Variants in PTPRZ1 observed in about 807,000 individuals in gnomAD.
PTPRZ1 encodes receptor-type tyrosine-protein phosphatase zeta.
In PTPRZ1, 82 loss-of-function variants were observed where a neutral mutation model predicts 214.1. The ratio of observed to expected loss-of-function variants is 0.38; its 90% confidence interval spans 0.32 to 0.46. The LOEUF (loss-of-function observed/expected upper bound fraction) is 0.46. PTPRZ1 is among the 20% of genes least tolerant of loss of function. PTPRZ1 has a pLI of 1.00. For missense variants in PTPRZ1, 2,603 were observed against 2,748.7 expected (o/e 0.95, Z 1.19); for synonymous variants, 945 against 987.9 (o/e 0.96, Z 0.81).
Position 122,038,848 on chromosome 7 carries a change from G to C in PTPRZ1, c.5461G>C (p.Glu1821Gln), listed in dbSNP as rs1799628952. ...GAGAATGATATGGGAACATAATGTG[G>C]AAGTTATTGTCATGATAACAAACCT... is the stretch of plus-strand genomic sequence containing the variant. ...FWRMIWEHNVEVIVMITNLVE... is the reference protein window; with the variant it reads ...FWRMIWEHNVQVIVMITNLVE... Residue 1821 changes from glutamate to glutamine, a missense_variant, in exon 19 of 30, where the codon GAA (glutamate) becomes CAA (glutamine). Around this residue, in one of 6 missense-constraint regions of PTPRZ1, gnomAD observed 1,913 missense variants for 1,914.3 expected, o/e 1.00. Transcript: ENST00000393386. 6.2e-7 allele frequency: 1 copy of C among 1,613,906 alleles called. No individual in the cohort carries two copies. The highest frequency in any genetic ancestry group is 1.7e-5 in the Admixed American group (1 of 60,014).
Position 121,990,727 on chromosome 7 carries a change from C to A in PTPRZ1, c.929-5655C>A, listed in dbSNP as rs558278908. Among the ~76,000 whole-genome samples, 8 of 152,016 alleles carry A rather than the reference C, an allele frequency of 5.3e-5. No homozygotes were observed. In the South Asian group the frequency reaches 1.7e-3, roughly 32 times the overall value. On this transcript the variant is annotated intron_variant, in intron 8 of 29. Coordinates refer to ENST00000393386, the MANE Select transcript of PTPRZ1 (RefSeq NM_002851.3). Reference sequence around the variant, plus strand: ...CAGAGACGGGGTTTCACCATGTTGGCCAGACTGGTCTCGAACTCCTGACCT... The same window carrying A: ...CAGAGACGGGGTTTCACCATGTTGGACAGACTGGTCTCGAACTCCTGACCT...
chr7:121,877,369 G>A (rs1794094272), intron 1 of PTPRZ1, among the ~76,000 whole-genome samples: 1 of 152,170 alleles, frequency 6.6e-6, no homozygotes, highest in African/African-American at 2.4e-5. Flanking sequence ...CATGTGATGT[G>A]ATGGTACATT....
chr7:121,923,049 C>G (rs1795646865), intron 1 of PTPRZ1, among the ~76,000 whole-genome samples: 2 of 152,138 alleles, frequency 1.3e-5, no homozygotes, highest in African/African-American at 4.8e-5. Context: ...AGTGATCTGT[C>G]ACCAAAAATA....
chr7:122,011,628 C>T lies in PTPRZ1; in HGVS notation c.2582C>T (p.Pro861Leu). The change falls in exon 12 of 30, where the codon CCA (proline) becomes CTA (leucine). Residue 861 changes from proline to leucine, a missense_variant. Pro to Leu is a moderately conservative substitution (Grantham distance 98). This residue lies in a region of PTPRZ1 where 1,913 missense variants were observed against 1,914.3 expected (regional missense o/e 1.00). Coordinates refer to ENST00000393386, the MANE Select transcript of PTPRZ1 (RefSeq NM_002851.3). ...SDKVPLHASLPVAGGDLLLEP... is the reference protein window; with the variant it reads ...SDKVPLHASLLVAGGDLLLEP... Reference sequence around the variant, plus strand: ...AAGGTGCCCTTGCATGCTTCTCTGCCAGTGGCTGGGGGTGATTTGCTATTA... The same window carrying T: ...AAGGTGCCCTTGCATGCTTCTCTGCTAGTGGCTGGGGGTGATTTGCTATTA... 6.2e-7 allele frequency: 1 copy of T among 1,614,102 alleles called. No individual in the cohort carries two copies. Among genetic ancestry groups the T allele is most frequent in the South Asian group, 1.1e-5 (1 of 91,064 alleles).
At position 121,931,353 on chromosome 7, in the gene PTPRZ1, T is replaced by A. The variant is rs1206506; in HGVS notation, c.124+3132T>A. On this transcript the variant is annotated intron_variant, in intron 2 of 29. Transcript: ENST00000393386. ...TTCAGAAGTGAAACTAGAAGGAGGT[T>A]ATTTTCCTCTAACCAATCAATTTTC... 7.7e-3 allele frequency among the ~76,000 whole-genome samples: 1,168 copies of A among 152,284 alleles called. 19 individuals are homozygous for A. The highest frequency in any genetic ancestry group is 0.027 in the African/African-American group (1,107 of 41,554).
In PTPRZ1 at chr7:122,055,084, A is replaced by C; in HGVS notation, c.6525A>C (p.Thr2175=). 6.4e-7 allele frequency: 1 copy of C among 1,565,852 alleles called. No individual in the cohort carries two copies. The highest frequency in any genetic ancestry group is 1.2e-5 in the South Asian group (1 of 86,332). Residue 2175 remains threonine, a synonymous_variant, in exon 27 of 30, where the codon ACA becomes ACC. Coordinates refer to ENST00000393386, the MANE Select transcript of PTPRZ1 (RefSeq NM_002851.3). ...TTCAGGACTTTATCTTAGAAGCTAC[A>C]CAGGTAAGGATATAAGTTAAATGAC... ...LIIQDFILEA[T]QDDYVLEVRH...
chr7:121,913,910 G>T (rs901324306), intron 1 of PTPRZ1, among the ~76,000 whole-genome samples: 1 of 152,024 alleles, frequency 6.6e-6, no homozygotes, highest in Non-Finnish European at 1.5e-5. Context: ...CCTAATTCCC[G>T]GGAAAAAAAC....
rs1195062701 is a variant in PTPRZ1 at position 121,873,171 on chromosome 7, C to A, written c.-329C>A. ...GCTCTCGGAGCGCTCAGACCGCGGCCGCCGCAGCCGGCGAAAGAGGCAAAG... is the reference window on the plus strand; with the variant it reads ...GCTCTCGGAGCGCTCAGACCGCGGCAGCCGCAGCCGGCGAAAGAGGCAAAG... On this transcript the variant is annotated 5_prime_UTR_variant, in exon 1 of 30. Coordinates refer to ENST00000393386, the MANE Select transcript of PTPRZ1 (RefSeq NM_002851.3). 2 of 413,386 alleles carry A rather than the reference C, an allele frequency of 4.8e-6. No individual in the cohort carries two copies. Among genetic ancestry groups the A allele is most frequent in the South Asian group, 9.4e-5 (1 of 10,600 alleles). The allele number at this position is 413,386 out of a possible 1,614,324, so 25.6% of individuals were successfully genotyped here. A position where few individuals can be genotyped will look rare whatever the true frequency, so the allele number is the denominator to read the frequency against.
chr7:122,016,854 A>G (rs1478198101), intron 12 of PTPRZ1, among the ~76,000 whole-genome samples: 3 of 152,102 alleles, frequency 2.0e-5, no homozygotes, highest in Non-Finnish European at 4.4e-5. Context: ...TCGTACATAT[A>G]TTAATCTACA....
chr7:121,891,468 T>TTTTTTTTTTTTA, intron 1 of PTPRZ1, among the ~76,000 whole-genome samples: 1 of 143,404 alleles, frequency 7.0e-6, no homozygotes, highest in Non-Finnish European at 1.5e-5. Flanking sequence ...TTTTTTTTTT[T>TTTTTTTTTTTTA]TTTTTTTTTT....
chr7:122,044,282 G>C (rs1240721685), intron 22 of PTPRZ1, 140 bp from the exon 23 acceptor site: 1 of 932,380 alleles, frequency 1.1e-6, no homozygotes, highest in East Asian at 2.5e-5. Context: ...CTTCCTTCCA[G>C]GTTTTGTAAG....
chr7:122,025,178 T>C (rs753591305), intron 13 of PTPRZ1, among the ~76,000 whole-genome samples: 1 of 152,074 alleles, frequency 6.6e-6, no homozygotes, highest in Non-Finnish European at 1.5e-5. Flanking sequence ...AATAAAGATA[T>C]AAGCACAAAA....
At chr7:122,057,075 C>G (rs1355578130) in intron 27 of PTPRZ1, among the ~76,000 whole-genome samples, 1 of 151,834 alleles carries the variant, frequency 6.6e-6, no homozygotes, top group Non-Finnish European at 1.5e-5. Context: ...GTTGCTATTA[C>G]GAACAGTGCT....
At chr7:121,907,055 A>C (rs565769529) in intron 1 of PTPRZ1, among the ~76,000 whole-genome samples, 140 of 152,248 alleles carry the variant, frequency 9.2e-4, no homozygotes, top group Non-Finnish European at 5.6e-4. Context: ...TGAATATTTT[A>C]TCTCTATTTG....
At chr7:121,940,829 G>C (rs567531372) in intron 2 of PTPRZ1, among the ~76,000 whole-genome samples, 82 of 150,774 alleles carry the variant, frequency 5.4e-4, no homozygotes, top group African/African-American at 1.9e-3. Flanking sequence ...GGGCTCTTTA[G>C]CTTGGCATAT....
At chr7:121,942,178 G>A (rs1796255847) in intron 2 of PTPRZ1, among the ~76,000 whole-genome samples, 1 of 152,162 alleles carries the variant, frequency 6.6e-6, no homozygotes, top group Non-Finnish European at 1.5e-5. Context: ...ACCTGAATAT[G>A]CCCTCAAAAT....
Position 122,058,977 on chromosome 7 carries a change from AC to A in PTPRZ1, c.6671+36del, listed in dbSNP as rs746331969. The A allele has an allele frequency of 1.8e-5, 27 of 1,521,648 alleles. No individual in the cohort carries two copies. The African/African-American group carries it at 2.9e-4, about 16-fold the overall frequency. 94.3% of individuals were successfully genotyped at this position (1,521,648 alleles called of 1,614,324 possible). A position where few individuals can be genotyped will look rare whatever the true frequency, so the allele number is the denominator to read the frequency against. Reference sequence around the variant, plus strand: ...ATGTGTTAGATGGTTTCACACCTGCACATTTTCTGGGCATATGTATATTTCT... The same window carrying A: ...ATGTGTTAGATGGTTTCACACCTGCAATTTTCTGGGCATATGTATATTTCT... On this transcript the variant is annotated intron_variant, in intron 28 of 29. Coordinates refer to ENST00000393386, the MANE Select transcript of PTPRZ1 (RefSeq NM_002851.3).
At chr7:121,994,452 G>A (rs949104065) in intron 8 of PTPRZ1, among the ~76,000 whole-genome samples, 47 of 151,744 alleles carry the variant, frequency 3.1e-4, no homozygotes, top group African/African-American at 1.1e-3. Flanking sequence ...CCGCCACCAC[G>A]CCTGGCTAAT....
intron 22 of PTPRZ1, among the ~76,000 whole-genome samples, chr7:122,044,018 T>C (rs80325934): frequency 0.013 from 2,045 of 152,322 alleles, 17 homozygotes; most frequent in Middle Eastern, 0.027. Flanking sequence ...AGTTAAATTG[T>C]ATATGACAAG....
Sources: gnomAD v4.1 joint callset for allele counts (sites outside exome capture counted in the v4.1 genomes callset) on GRCh38, gnomAD v4.1.1 for gene constraint, gnomAD v4.1.1 regional missense constraint, MANE v1.5 for transcripts, NCBI Gene and HGNC (gene_info 2026-07-23, HGNC 2026-07-21) for gene names.